GRM8: variants seen among roughly 807,000 people sequenced by gnomAD.
The protein encoded by GRM8 is glutamate metabotropic receptor 8, also known as metabotropic glutamate receptor 8.
GRM8 carries 47 observed loss-of-function variants against 87.2 expected under a neutral mutation model. That is an observed-to-expected ratio of 0.54 (90% CI 0.43 to 0.69). The LOEUF (loss-of-function observed/expected upper bound fraction) is 0.69, where lower values mean the gene tolerates loss of function less well. Ranked by LOEUF, GRM8 falls within the 30% of genes least tolerant of loss-of-function variation. GRM8 has a pLI of 0.00. For synonymous variants in GRM8, 396 were observed against 404.5 expected (o/e 0.98, Z 0.25); for missense variants, 1,019 against 1,139.2 (o/e 0.89, Z 1.52).
intron 2 of GRM8, among the ~76,000 whole-genome samples, chr7:127,177,055 A>G (rs1262146032): frequency 6.6e-6 from 1 of 152,176 alleles, no homozygotes; most frequent in Non-Finnish European, 1.5e-5. Context: ...CAGGCAGGGG[A>G]AAAACCAAGC....
intron 9 of GRM8, among the ~76,000 whole-genome samples, chr7:126,449,926 G>T (rs1802433097): frequency 6.6e-6 from 1 of 151,810 alleles, no homozygotes; most frequent in South Asian, 2.1e-4. Context: ...CTGATGGCTT[G>T]TTACTTACTC....
At chr7:127,214,185 C>T (rs368580011) in intron 2 of GRM8, among the ~76,000 whole-genome samples, 1 of 152,208 alleles carries the variant, frequency 6.6e-6, no homozygotes, top group Non-Finnish European at 1.5e-5. Flanking sequence ...AGTCACACCC[C>T]TATTTTTGGA....
chr7:126,819,598 A>C (rs1288263924), intron 6 of GRM8, among the ~76,000 whole-genome samples: 1 of 152,224 alleles, frequency 6.6e-6, no homozygotes, highest in African/African-American at 2.4e-5. Flanking sequence ...TGAATATTTA[A>C]GTATTCATTA....
intron 2 of GRM8, among the ~76,000 whole-genome samples, chr7:127,200,649 G>A (rs1484290321): frequency 1.3e-5 from 2 of 152,132 alleles, no homozygotes; most frequent in Admixed American, 6.6e-5. Flanking sequence ...AGTGTCTGGT[G>A]GTCACTGGCA....
At chr7:126,992,432 T>C (rs958579184) in intron 3 of GRM8, among the ~76,000 whole-genome samples, 1 of 152,126 alleles carries the variant, frequency 6.6e-6, no homozygotes, top group East Asian at 1.9e-4. Context: ...ACAAGTTCAA[T>C]AGAAAACAAC....
At chr7:126,906,606 T>C (rs1802702434) in intron 3 of GRM8, among the ~76,000 whole-genome samples, 1 of 152,248 alleles carries the variant, frequency 6.6e-6, no homozygotes, top group Non-Finnish European at 1.5e-5. Context: ...CTGAGCTTTA[T>C]GCTTTAGGTA....
At chr7:126,892,632 A>G (rs939313207) in intron 6 of GRM8, among the ~76,000 whole-genome samples, 66 of 151,986 alleles carry the variant, frequency 4.3e-4, no homozygotes, top group African/African-American at 1.6e-3. Flanking sequence ...CATGATTTAT[A>G]GTCCTTTGGG....
intron 2 of GRM8, among the ~76,000 whole-genome samples, chr7:127,240,578 A>T (rs1195151083): frequency 6.6e-6 from 1 of 152,178 alleles, no homozygotes; most frequent in Non-Finnish European, 1.5e-5. Context: ...TATTGACAGG[A>T]ACCCGAATTG....
chr7:127,043,092 G>A lies in GRM8; in HGVS notation c.727+63404C>T, dbSNP rs183886948. ...ACCATCTCACACCAGTTGGAATGGC[G>A]ATCATTAAAAAGTCAGGAAACAACA... On this transcript the variant is annotated intron_variant, in intron 3 of 10. Transcript: ENST00000339582. Among the ~76,000 whole-genome samples the A allele has an allele frequency of 7.6e-3, 1,160 of 152,242 alleles. 11 individuals are homozygous for A. Among genetic ancestry groups the A allele is most frequent in the Admixed American group, 0.027 (408 of 15,292 alleles).
intron 7 of GRM8, among the ~76,000 whole-genome samples, chr7:126,720,240 C>T (rs1812237895): frequency 6.6e-6 from 1 of 151,742 alleles, no homozygotes; most frequent in Non-Finnish European, 1.5e-5. Context: ...TTCCTGGGCT[C>T]AAGTAATCCT....
intron 3 of GRM8, among the ~76,000 whole-genome samples, chr7:126,925,851 A>G (rs973870877): frequency 2.6e-5 from 4 of 152,176 alleles, no homozygotes; most frequent in African/African-American, 7.2e-5. Flanking sequence ...TTCTTCTTGG[A>G]CATTTAGGTC....
At chr7:126,505,126 C>T (rs558955973) in intron 9 of GRM8, among the ~76,000 whole-genome samples, 1 of 152,066 alleles carries the variant, frequency 6.6e-6, no homozygotes, top group Admixed American at 6.6e-5. Flanking sequence ...TGCAAGCAAA[C>T]CTTCACTAGG....
chr7:126,650,399 C>A (rs1431394200), intron 7 of GRM8, among the ~76,000 whole-genome samples: 1 of 152,088 alleles, frequency 6.6e-6, no homozygotes, highest in Non-Finnish European at 1.5e-5. Flanking sequence ...TATGCAGGCA[C>A]CACCCAAAAG....
intron 1 of GRM8, among the ~76,000 whole-genome samples, chr7:127,249,773 A>G (rs1052621142): frequency 1.3e-5 from 2 of 152,216 alleles, no homozygotes; most frequent in African/African-American, 4.8e-5. Flanking sequence ...TGGGAACAAC[A>G]TGAAGTGGCC....
chr7:127,168,415 T>G (rs1229882087), intron 2 of GRM8, among the ~76,000 whole-genome samples: 7 of 152,076 alleles, frequency 4.6e-5, no homozygotes, highest in African/African-American at 1.4e-4. Context: ...GGAGTGTAAA[T>G]TAGTTCAACA....
chr7:126,533,917 C>A (rs182847802), intron 8 of GRM8, 30 bp from the exon 9 acceptor site: 2 of 1,501,656 alleles, frequency 1.3e-6, no homozygotes, highest in Non-Finnish European at 9.2e-7. Flanking sequence ...ATGAGCCTTC[C>A]ATTTTTCCCC....
intron 6 of GRM8, among the ~76,000 whole-genome samples, chr7:126,821,506 T>TAGCATGGTCCCTGGCATATGATA (rs1465061064): frequency 6.6e-6 from 1 of 152,210 alleles, no homozygotes; most frequent in Admixed American, 6.5e-5. Context: ...ACAAAGCACT[T>TAGCATGGTCCCTGGCATATGATA]AGCATGGTCC....
chr7:127,035,806 G>T (rs1817792301), intron 3 of GRM8, among the ~76,000 whole-genome samples: 2 of 152,086 alleles, frequency 1.3e-5, no homozygotes, highest in African/African-American at 4.8e-5. Flanking sequence ...AGCCACACAG[G>T]CTCCCATCCC....
At chr7:126,792,630 A>G (rs1227494924) in intron 6 of GRM8, among the ~76,000 whole-genome samples, 3 of 152,236 alleles carry the variant, frequency 2.0e-5, no homozygotes, top group Admixed American at 2.0e-4. Context: ...AGCAGTTTCA[A>G]TCTGCAACAC....
Sources: gnomAD v4.1 joint callset for allele counts (sites outside exome capture counted in the v4.1 genomes callset) on GRCh38, gnomAD v4.1.1 for gene constraint, MANE v1.5 for transcripts, NCBI Gene and HGNC (gene_info 2026-07-23, HGNC 2026-07-21) for gene names.